TCTN3: variants seen among roughly 807,000 people sequenced by gnomAD.
TCTN3 encodes the protein tectonic-3.
Under a neutral mutation model 71.3 loss-of-function variants are expected in TCTN3, and 57 were observed. That is an observed-to-expected ratio of 0.80 (90% CI 0.65 to 1.00). The LOEUF is 1.00. Ranked by LOEUF, TCTN3 falls within the 50% of genes least tolerant of loss-of-function variation. TCTN3 has a pLI of 0.00. For synonymous variants in TCTN3, 258 were observed against 267.8 expected (o/e 0.96, Z 0.36); for missense variants, 696 against 719.9 (o/e 0.97, Z 0.38).
At chr10:95,674,942 G>T (rs1259410505) in intron 13 of TCTN3, among the ~76,000 whole-genome samples, 2 of 152,162 alleles carry the variant, frequency 1.3e-5, no homozygotes, top group East Asian at 3.9e-4. Flanking sequence ...ACATATTTGA[G>T]AGAGAAGCTA....
chr10:95,668,257 A>C (rs2097927533), intron 13 of TCTN3, among the ~76,000 whole-genome samples: 1 of 90,784 alleles, frequency 1.1e-5, no homozygotes, highest in Non-Finnish European at 2.6e-5. Flanking sequence ...AGGAGTGCCA[A>C]AAAAAAAAAA....
intron 12 of TCTN3, among the ~76,000 whole-genome samples, chr10:95,681,020 C>T (rs1290241481): frequency 2.6e-5 from 4 of 151,424 alleles, no homozygotes; most frequent in Non-Finnish European, 5.9e-5. Context: ...TTGTGATTTG[C>T]CTGCCTTGGC....
chr10:95,665,576 C>G (rs749903451), intron 13 of TCTN3, among the ~76,000 whole-genome samples: 1 of 152,006 alleles, frequency 6.6e-6, no homozygotes, highest in African/African-American at 2.4e-5. Flanking sequence ...CCACTGCACC[C>G]GGCCTGGCTA....
At chr10:95,664,991 C>T (rs1410808773) in intron 13 of TCTN3, among the ~76,000 whole-genome samples, 1 of 152,172 alleles carries the variant, frequency 6.6e-6, no homozygotes. Context: ...AGATTTTCTT[C>T]AATCACCCTC....
intron 13 of TCTN3, among the ~76,000 whole-genome samples, chr10:95,677,478 T>TTTTTTTTTTTTTTTTTTTTC (rs2097938335): frequency 1.3e-5 from 1 of 78,470 alleles, no homozygotes; most frequent in Non-Finnish European, 2.9e-5. Flanking sequence ...TCTACAGTTT[T>TTTTTTTTTTTTTTTTTTTTC]TTTTGTTTTT....
In TCTN3 at chr10:95,685,611, G is replaced by A. The variant is rs1314356901; in HGVS notation, c.914C>T (p.Ser305Leu). 4 of 1,551,310 alleles carry A rather than the reference G, an allele frequency of 2.6e-6. No individual in the cohort carries two copies. The Admixed American group carries it at 7.8e-5, about 30-fold the overall frequency. Residue 305 changes from serine (S) to leucine (L), a missense_variant, in exon 8 of 14, where the codon TCA (serine) becomes TTA (leucine). Physicochemically the swap from Ser to Leu is moderately radical, Grantham distance 145. Coordinates refer to ENST00000371217, the MANE Select transcript of TCTN3 (RefSeq NM_015631.6). The stretch of plus-strand genomic sequence containing the variant: ...AGCCAACAGAGGAGCATTAGCCTGT[G>A]AGGTAAGTATTACAGGAACCTGGAA... ...MEFQVPVILT[S>L]QANAPLLAGN...
At chr10:95,687,515 G>T in intron 4 of TCTN3, 77 bp downstream of exon 4, 1 of 1,590,254 alleles carries the variant, frequency 6.3e-7, no homozygotes, top group Admixed American at 1.8e-5. Context: ...GGGTAGTGCT[G>T]CAAAGTTACC....
intron 13 of TCTN3, 132 bp from the exon 14 acceptor site, chr10:95,664,432 T>C: frequency 5.3e-6 from 4 of 752,160 alleles, no homozygotes; most frequent in Non-Finnish European, 8.9e-6. Context: ...TTATCTCATA[T>C]TGGTCCTATG....
chr10:95,678,374 A>G (rs2097939532), intron 13 of TCTN3, among the ~76,000 whole-genome samples: 1 of 152,048 alleles, frequency 6.6e-6, no homozygotes, highest in Admixed American at 6.6e-5. Context: ...TTTACTAAAA[A>G]TACAAAAAAT....
At chr10:95,674,822 A>AGAAT (rs10678463) in intron 13 of TCTN3, among the ~76,000 whole-genome samples, 72,086 of 150,670 alleles carry the variant, frequency 0.48, 17,605 homozygotes, top group East Asian at 0.73. Flanking sequence ...CCCCATCTCT[A>AGAAT]GAATGAATGA....
intron 13 of TCTN3, among the ~76,000 whole-genome samples, chr10:95,674,851 G>GAATGAATA (rs1487674004): frequency 1.3e-5 from 2 of 151,868 alleles, no homozygotes; most frequent in Admixed American, 6.6e-5. Flanking sequence ...ATGAATGAAT[G>GAATGAATA]AATAAATAAA....
chr10:95,680,778 C>CT lies in TCTN3; in HGVS notation c.1453-170dup, dbSNP rs906355850. ...ATAAGACTATGTTATTATTCCTGATCTTTTTTTTTTTTTTTTTTGAGACGA... is the reference window on the plus strand; with the variant it reads ...ATAAGACTATGTTATTATTCCTGATCTTTTTTTTTTTTTTTTTTTGAGACGA... On this transcript the variant is annotated intron_variant, in intron 12 of 13. Transcript: ENST00000371217. Among the ~76,000 whole-genome samples, 27,107 of 134,260 alleles carry CT rather than the reference C, an allele frequency of 0.2. 3,509 individuals carry two copies. The highest frequency in any genetic ancestry group is 0.56 in the East Asian group (2,562 of 4,558). 88.1% of individuals were successfully genotyped at this position (134,260 alleles called of 152,430 possible).
intron 9 of TCTN3, 136 bp from the exon 10 acceptor site, chr10:95,683,765 C>A: frequency 1.6e-6 from 1 of 638,078 alleles, no homozygotes; most frequent in Non-Finnish European, 2.6e-6. Context: ...TGGCTTCTTT[C>A]CACAGTGTAG....
At chr10:95,681,618 G>C (rs1007614718) in intron 12 of TCTN3, among the ~76,000 whole-genome samples, 3 of 152,108 alleles carry the variant, frequency 2.0e-5, no homozygotes, top group African/African-American at 7.2e-5. Context: ...TACTCCAGGA[G>C]GATTAATTGC....
Position 95,687,649 on chromosome 10 carries a change from A to T in TCTN3, c.570T>A (p.Phe190Leu). ...ATNFQALAAE[F>L]GGESFTSTFQ... ...ATGTTGAAGTGAATGATTCGCCTCC[A>T]AACTCTGCAGCCAGGGCCTGGAAGT... Residue 190 changes from phenylalanine to leucine, a missense_variant, in exon 4 of 14, where the codon TTT becomes TTA. Coordinates refer to ENST00000371217, the MANE Select transcript of TCTN3 (RefSeq NM_015631.6). 6.2e-7 allele frequency: 1 copy of T among 1,614,218 alleles called. No individual in the cohort carries two copies. Among genetic ancestry groups the T allele is most frequent in the Non-Finnish European group, 8.5e-7 (1 of 1,180,020 alleles).
At chr10:95,690,131 G>A (rs1017235138) in intron 3 of TCTN3, among the ~76,000 whole-genome samples, 2 of 151,856 alleles carry the variant, frequency 1.3e-5, no homozygotes, top group African/African-American at 4.8e-5. Context: ...CTACAGGCAT[G>A]CACCACCACA....
At chr10:95,670,016 A>T (rs2097929309) in intron 13 of TCTN3, among the ~76,000 whole-genome samples, 1 of 137,104 alleles carries the variant, frequency 7.3e-6, no homozygotes, top group Non-Finnish European at 1.5e-5. Flanking sequence ...GTGAGCCGAG[A>T]TTGCGCCACT....
chr10:95,680,881 C>A (rs551784369), intron 12 of TCTN3, among the ~76,000 whole-genome samples: 1 of 150,200 alleles, frequency 6.7e-6, no homozygotes, highest in Non-Finnish European at 1.5e-5. Context: ...CAGGTTCAAG[C>A]GATTCTCCTG....
Position 95,687,704 on chromosome 10 carries a change from A to T in TCTN3, c.515T>A (p.Phe172Tyr), listed in dbSNP as rs2097949814. ...VHVNNSNLNY[F>Y]QKLQKVNATN... ...TGCATTGACCTTTTGAAGCTTCTGG[A>T]AATAGTTTAAGTTTGCTAAAATGTT... Residue 172 changes from phenylalanine to tyrosine, a missense_variant, in exon 4 of 14, where the codon TTC (phenylalanine) becomes TAC (tyrosine). Transcript: ENST00000371217. 2 of 1,613,652 alleles carry T rather than the reference A, an allele frequency of 1.2e-6. No homozygotes were observed. Among genetic ancestry groups the T allele is most frequent in the Non-Finnish European group, 1.7e-6 (2 of 1,179,826 alleles).
Sources: gnomAD v4.1 joint callset for allele counts (sites outside exome capture counted in the v4.1 genomes callset) on GRCh38, gnomAD v4.1.1 for gene constraint, MANE v1.5 for transcripts, NCBI Gene and HGNC (gene_info 2026-07-23, HGNC 2026-07-21) for gene names.